COMMD1: variants seen among roughly 807,000 people sequenced by gnomAD.
The protein encoded by COMMD1 is COMM domain-containing protein 1.
Under a neutral mutation model 17.2 loss-of-function variants are expected in COMMD1, and 10 were observed. The ratio of observed to expected loss-of-function variants is 0.58; its 90% CI spans 0.36 to 0.99. The LOEUF (loss-of-function observed/expected upper bound fraction) is 0.99. Ranked by LOEUF, COMMD1 falls within the 50% of genes least tolerant of loss-of-function variation. The pLI, the probability that COMMD1 is intolerant of heterozygous loss-of-function variation, is 0.01. For missense variants in COMMD1, 270 were observed against 231.8 expected (o/e 1.17, Z -1.07); for synonymous variants, 97 against 91.6 (o/e 1.06, Z -0.34).
rs180907462 is a variant in COMMD1, at chr2:61,982,352, A to G, written c.181-18349A>G. On this transcript the variant is annotated intron_variant, in intron 1 of 2. Transcript: ENST00000311832. ...TCGTATGTTAATTTTGTATCATGCA[A>G]CTTTACTGAATGTATCAGTTGTAAT... Among the ~76,000 whole-genome samples the G allele has an allele frequency of 1.9e-3, 295 of 152,320 alleles. 1 individual carries two copies. The highest frequency in any genetic ancestry group is 6.6e-3 in the African/African-American group (276 of 41,572).
chr2:62,053,377 T>G (rs1375294895), intron 2 of COMMD1, among the ~76,000 whole-genome samples: 1 of 152,128 alleles, frequency 6.6e-6, no homozygotes, highest in African/African-American at 2.4e-5. Context: ...AATAGGGTTT[T>G]GTGCAATGAA....
At chr2:62,103,575 G>A (rs181001368) in intron 2 of COMMD1, among the ~76,000 whole-genome samples, 1 of 152,268 alleles carries the variant, frequency 6.6e-6, no homozygotes, top group African/African-American at 2.4e-5. Context: ...TTATAACTTA[G>A]CATGTAGTCA....
intron 2 of COMMD1, chr2:62,079,723 C>A (rs1473840686): frequency 6.6e-6 from 1 of 152,144 alleles, no homozygotes; most frequent in Non-Finnish European, 1.5e-5. Flanking sequence ...TACTTAGAAA[C>A]AAACCATTTT....
At chr2:61,916,181 C>T (rs1234858025) in intron 1 of COMMD1, among the ~76,000 whole-genome samples, 1 of 151,930 alleles carries the variant, frequency 6.6e-6, no homozygotes, top group African/African-American at 2.4e-5. Flanking sequence ...AGGCCGGTCT[C>T]AAACTCCTGG....
At chr2:61,977,214 T>C (rs939569817) in intron 1 of COMMD1, among the ~76,000 whole-genome samples, 2 of 148,830 alleles carry the variant, frequency 1.3e-5, no homozygotes, top group Non-Finnish European at 3.0e-5. Context: ...GTTATGAATC[T>C]AAAACTGCTG....
At chr2:61,911,670 A>G (rs1328410672) in intron 1 of COMMD1, among the ~76,000 whole-genome samples, 3 of 152,174 alleles carry the variant, frequency 2.0e-5, no homozygotes, top group African/African-American at 4.8e-5. Flanking sequence ...GCAACAGCAT[A>G]TAGTGGCCTT....
At chr2:61,994,340 T>C (rs1419141230) in intron 1 of COMMD1, among the ~76,000 whole-genome samples, 4 of 152,186 alleles carry the variant, frequency 2.6e-5, no homozygotes, top group Admixed American at 2.6e-4. Context: ...ATCTGGTAAA[T>C]AGGCAGATAT....
intron 1 of COMMD1, among the ~76,000 whole-genome samples, chr2:61,891,321 T>C (rs527246551): frequency 6.6e-6 from 1 of 152,378 alleles, no homozygotes; most frequent in South Asian, 2.1e-4. Flanking sequence ...TTTCTTTTTC[T>C]GTGAAATTGG....
At chr2:62,061,782 G>A (rs992557426) in intron 2 of COMMD1, among the ~76,000 whole-genome samples, 24 of 151,676 alleles carry the variant, frequency 1.6e-4, no homozygotes, top group African/African-American at 5.8e-4. Context: ...GGATGGTCTC[G>A]ATCTCCTGAC....
chr2:61,956,388 A>C (rs1259113128), intron 1 of COMMD1, among the ~76,000 whole-genome samples: 1 of 149,032 alleles, frequency 6.7e-6, no homozygotes, highest in Admixed American at 6.6e-5. Flanking sequence ...AAATGTTAGC[A>C]CCTCAAAATT....
chr2:62,125,526 G>A (rs1004838837), intron 2 of COMMD1, among the ~76,000 whole-genome samples: 2 of 152,032 alleles, frequency 1.3e-5, no homozygotes, highest in Non-Finnish European at 2.9e-5. Context: ...ATTGGCTATT[G>A]TGTTTGAAAT....
intron 1 of COMMD1, among the ~76,000 whole-genome samples, chr2:61,951,459 CAA>C (rs78945501): frequency 3.7e-4 from 36 of 98,154 alleles, no homozygotes; most frequent in East Asian, 5.6e-4. Flanking sequence ...GACTCTGTCT[CAA>C]AAAAAAAAAA....
At chr2:62,074,677 A>G (rs1671290498) in intron 2 of COMMD1, among the ~76,000 whole-genome samples, 1 of 152,140 alleles carries the variant, frequency 6.6e-6, no homozygotes. Context: ...TTTTCACAGC[A>G]CAGGAAAAAC....
At chr2:62,119,989 A>G (rs1168394743) in intron 2 of COMMD1, among the ~76,000 whole-genome samples, 1 of 151,806 alleles carries the variant, frequency 6.6e-6, no homozygotes, top group South Asian at 2.1e-4. Context: ...TTTTATTATT[A>G]TTCTTTTTCT....
At chr2:62,002,045 C>A (rs1057125996) in intron 2 of COMMD1, among the ~76,000 whole-genome samples, 3 of 152,094 alleles carry the variant, frequency 2.0e-5, no homozygotes, top group African/African-American at 7.2e-5. Context: ...TGGCACATGC[C>A]TGTAATCCTA....
At position 62,071,900 on chromosome 2, in the gene COMMD1, T is replaced by C. The variant is rs568366666; in HGVS notation, c.463-63931T>C. Among the ~76,000 whole-genome samples, 75 of 152,208 alleles carry C rather than the reference T, an allele frequency of 4.9e-4. 1 individual carries two copies. The highest frequency in any genetic ancestry group is 1.7e-3 in the African/African-American group (71 of 41,556). ...CATAAGACTGACCAAACAGACTCTT[T>C]ATGGCAGTAAGATACCAAATTATAA... On this transcript the variant is annotated intron_variant, in intron 2 of 2. Transcript: ENST00000311832.
chr2:62,002,831 G>A (rs1231703583), intron 2 of COMMD1, among the ~76,000 whole-genome samples: 1 of 152,144 alleles, frequency 6.6e-6, no homozygotes, highest in South Asian at 2.1e-4. Flanking sequence ...ACTCCAGGCT[G>A]GGTGGGAGAC....
chr2:61,953,429 C>T (rs186534587), intron 1 of COMMD1, among the ~76,000 whole-genome samples: 141 of 147,618 alleles, frequency 9.6e-4, no homozygotes, highest in Non-Finnish European at 1.6e-3. Flanking sequence ...AGTGCAGTGG[C>T]GCAATCTCAG....
chr2:61,888,775 G>C, exon 1 of COMMD1: 1 of 508,228 alleles, frequency 2.0e-6, no homozygotes, highest in Non-Finnish European at 3.5e-6. Flanking sequence ...GGGGCGCTGT[G>C]GGTGAAGAGC....
Sources: allele counts gnomAD v4.1 joint callset (sites outside exome capture counted in the v4.1 genomes callset), GRCh38; gene constraint gnomAD v4.1.1; transcripts MANE v1.5; gene names NCBI Gene and HGNC (gene_info 2026-07-23, HGNC 2026-07-21).